The following BTNL8 variants were observed in gnomAD, a reference collection of about 807,000 sequenced individuals.
BTNL8 encodes the protein butyrophilin like 8, also known as butyrophilin-like protein 8.
A neutral mutation model predicts 36.1 loss-of-function variants in BTNL8; 22 were observed. The observed-to-expected ratio is 0.61, with a 90% confidence interval of 0.44 to 0.87. The LOEUF is 0.87. BTNL8 is among the 40% of genes least tolerant of loss of function. The probability of loss-of-function intolerance (pLI) is 0.00; values close to 1 mark genes in which losing one functional copy is unlikely to be tolerated. For missense variants in BTNL8, 526 were observed against 616.9 expected, an observed-to-expected ratio of 0.85 and a Z score of 1.56; for synonymous variants, 203 against 235.6, an observed-to-expected ratio of 0.86 and a Z score of 1.27.
chr5:180,917,251 T>C (rs7711470), intron 3 of BTNL8, among the ~76,000 whole-genome samples: 418 of 63,886 alleles, frequency 6.5e-3, no homozygotes, highest in African/African-American at 0.03. Flanking sequence ...TGAAAAATCA[T>C]AGGCCAACAA....
intron 3 of BTNL8, among the ~76,000 whole-genome samples, chr5:180,933,936 C>A (rs1472381166): frequency 1.3e-5 from 2 of 151,552 alleles, no homozygotes; most frequent in African/African-American, 4.9e-5. Flanking sequence ...ACTTATTTTA[C>A]AAGGTCAACA....
rs1034893334 is a variant in BTNL8, at chr5:180,900,910, C to T, written c.49+1551C>T. Among the ~76,000 whole-genome samples, 9 of 152,328 alleles carry T rather than the reference C, an allele frequency of 5.9e-5. 1 individual carries two copies. The highest frequency in any genetic ancestry group is 3.4e-3 in the Middle Eastern group (1 of 294). On this transcript the variant is annotated intron_variant, in intron 1 of 7. Transcript: ENST00000340184. ...ATGTGCCGCCCAGGACTGCTAAAAT[C>T]GCAAACCTTCTGAGCTGCCTTGTGC...
intron 1 of BTNL8, among the ~76,000 whole-genome samples, chr5:180,908,126 A>T (rs1757187260): frequency 6.6e-6 from 1 of 152,114 alleles, no homozygotes; most frequent in South Asian, 2.1e-4. Context: ...GCTGCCTTGC[A>T]GTTTGATCTC....
In BTNL8 at chr5:180,950,650, G is replaced by A; in HGVS notation, c.*106G>A. ...GTGGCTTCCAGATGAAGGGGGACTG[G>A]CCTGTCCACATGGGAGTCAGGTGTC... On this transcript the variant is annotated 3_prime_UTR_variant, in exon 8 of 8. Coordinates refer to ENST00000340184, the MANE Select transcript of BTNL8 (RefSeq NM_001040462.3). 1 of 1,177,384 alleles carries A rather than the reference G, an allele frequency of 8.5e-7. No individual in the cohort carries two copies. 72.9% of individuals were successfully genotyped at this position (1,177,384 alleles called of 1,614,324 possible). A position where few individuals can be genotyped will look rare whatever the true frequency, so the allele number is the denominator to read the frequency against.
At chr5:180,940,142 C>A (rs1425642696) in intron 3 of BTNL8, among the ~76,000 whole-genome samples, 13 of 152,008 alleles carry the variant, frequency 8.6e-5, no homozygotes, top group African/African-American at 3.1e-4. Context: ...GTCAAGGGGT[C>A]AAGACCAGCC....
In BTNL8 at chr5:180,937,684, C is replaced by A. The variant is rs150521232; in HGVS notation, c.674-9828C>A. Among the ~76,000 whole-genome samples, 475 of 151,960 alleles carry A rather than the reference C, an allele frequency of 3.1e-3. 5 individuals carry two copies. The highest frequency in any genetic ancestry group is 9.7e-3 in the African/African-American group (404 of 41,436). On this transcript the variant is annotated intron_variant, in intron 3 of 7. Coordinates refer to ENST00000340184, the MANE Select transcript of BTNL8 (RefSeq NM_001040462.3). ...AAATTGGAAGAGGTTATTGTTCCAC[C>A]AAATTTGCAGATATCAATGTAGGAA...
chr5:180,939,788 A>G (rs1157488237), intron 3 of BTNL8, among the ~76,000 whole-genome samples: 1 of 152,234 alleles, frequency 6.6e-6, no homozygotes, highest in Non-Finnish European at 1.5e-5. Context: ...TGCAGAATAC[A>G]CATTCTTCTC....
chr5:180,922,637 G>A (rs1299022360), intron 3 of BTNL8, among the ~76,000 whole-genome samples: 1 of 85,780 alleles, frequency 1.2e-5, no homozygotes, highest in Non-Finnish European at 2.4e-5. Flanking sequence ...TAAAGTATGT[G>A]CTATGTAGTG....
Position 180,911,444 on chromosome 5 carries a change from A to T in BTNL8, c.503A>T (p.Lys168Ile), listed in dbSNP as rs199737855. ...TTCCCCCGGCCCACAGCGAAGTGGAAAGGTCCACAAGGACAGGATTTGTCC... is the reference window on the plus strand; with the variant it reads ...TTCCCCCGGCCCACAGCGAAGTGGATAGGTCCACAAGGACAGGATTTGTCC... ...GWFPRPTAKWKGPQGQDLSTD... is the reference protein window; with the variant it reads ...GWFPRPTAKWIGPQGQDLSTD... The change falls in exon 3 of 8, where the codon AAA becomes ATA. Residue 168 changes from lysine to isoleucine, a missense_variant. Physicochemically the swap from Lys to Ile is moderately radical, Grantham distance 102 (BLOSUM62 -3). This residue lies in a region of BTNL8 where 350 missense variants were observed against 324.6 expected (regional missense o/e 1.08). Transcript: ENST00000340184. 1 of 1,614,090 alleles carries T rather than the reference A, an allele frequency of 6.2e-7. No individual in the cohort carries two copies. Among genetic ancestry groups the T allele is most frequent in the African/African-American group, 1.3e-5 (1 of 74,936 alleles).
At chr5:180,949,294 G>A (rs1416771437) in intron 7 of BTNL8, 29 bp downstream of exon 7, 1 of 1,461,558 alleles carries the variant, frequency 6.8e-7, no homozygotes, top group Non-Finnish European at 9.4e-7. Context: ...GTGACAGTGG[G>A]ACAGAATCTC....
intron 1 of BTNL8, chr5:180,902,405 A>C: frequency 6.5e-7 from 1 of 1,550,262 alleles, no homozygotes; most frequent in Non-Finnish European, 8.7e-7. Flanking sequence ...ATGTAAGGAG[A>C]TACACAAATG....
In BTNL8 at chr5:180,908,846, A is replaced by G. The variant is rs563026665; in HGVS notation, c.310A>G (p.Ile104Val). ...GCGCATCTCTCTGAGGCTGGAAAAC[A>G]TTACTGTGTTGGATGCTGGCCTCTA... Reference protein sequence around the residue: ...EGRISLRLENITVLDAGLYGC... With the variant: ...EGRISLRLENVTVLDAGLYGC... The change falls in exon 2 of 8, where the codon ATT becomes GTT. Residue 104 changes from isoleucine (I) to valine (V), a missense_variant. Around this residue, in one of 2 missense-constraint regions of BTNL8, gnomAD observed 350 missense variants for 324.6 expected, o/e 1.08. Coordinates refer to ENST00000340184, the MANE Select transcript of BTNL8 (RefSeq NM_001040462.3). The G allele has an allele frequency of 7.4e-6, 12 of 1,614,094 alleles. No homozygotes were observed. The highest frequency in any genetic ancestry group is 1.1e-5 in the South Asian group (1 of 91,078).
intron 3 of BTNL8, among the ~76,000 whole-genome samples, chr5:180,921,837 A>C (rs1012339458): frequency 1.3e-5 from 2 of 152,152 alleles, no homozygotes; most frequent in African/African-American, 4.8e-5. Flanking sequence ...AGTTGTATAA[A>C]TTAAATATGT....
intron 3 of BTNL8, among the ~76,000 whole-genome samples, chr5:180,942,485 A>T (rs549648589): frequency 6.6e-6 from 1 of 152,316 alleles, no homozygotes; most frequent in African/African-American, 2.4e-5. Flanking sequence ...AACAGCCAAA[A>T]CATTACTGAA....
rs748956638 is a variant in BTNL8 at position 180,949,948 on chromosome 5, G to T, written c.907G>T (p.Val303Phe). Residue 303 changes from valine (V) to phenylalanine (F), a missense_variant, in exon 8 of 8, where the codon GTT becomes TTT. Val to Phe is a conservative substitution (Grantham distance 50, BLOSUM62 -1). Around this residue, in one of 2 missense-constraint regions of BTNL8, gnomAD observed 176 missense variants for 292.3 expected, o/e 0.60. Transcript: ENST00000340184. ...AGAGACGGCTCACCCGAAGCTCTGC[G>T]TTTCTGATCTGAAAACTGTAACCCA... Reference protein sequence around the residue: ...DPETAHPKLCVSDLKTVTHRK... With the variant: ...DPETAHPKLCFSDLKTVTHRK... The T allele has an allele frequency of 8.9e-6, 13 of 1,461,040 alleles. No homozygotes were observed. The African/African-American group carries it at 1.4e-4, about 16-fold the overall frequency. The allele number at this position is 1,461,040 out of a possible 1,614,324, so 90.5% of individuals were successfully genotyped here. A position where few individuals can be genotyped will look rare whatever the true frequency, so the allele number is the denominator to read the frequency against.
intron 3 of BTNL8, among the ~76,000 whole-genome samples, chr5:180,921,590 C>T (rs1414579180): frequency 6.6e-6 from 1 of 151,734 alleles, no homozygotes; most frequent in Non-Finnish European, 1.5e-5. Context: ...AGCACAGTGC[C>T]TGTAGCTAAC....
intron 3 of BTNL8, among the ~76,000 whole-genome samples, chr5:180,934,462 C>T (rs931218027): frequency 2.0e-5 from 3 of 152,228 alleles, no homozygotes; most frequent in African/African-American, 7.2e-5. Context: ...AGTCCAGATC[C>T]CACACCTGCC....
At position 180,921,780 on chromosome 5, in the gene BTNL8, T is replaced by C. The variant is rs555566424; in HGVS notation, c.673+10166T>C. On this transcript the variant is annotated intron_variant, in intron 3 of 7. Transcript: ENST00000340184. ...ATGATGGATATGTCTATAGTCTTGA[T>C]GGTGGTGATGATTTGAATGGGTATA... Among the ~76,000 whole-genome samples, 63 of 152,072 alleles carry C rather than the reference T, an allele frequency of 4.1e-4. No individual in the cohort carries two copies. The Middle Eastern group carries it at 0.01, about 25-fold the overall frequency.
In BTNL8 at chr5:180,949,406, G is replaced by A. The variant is rs1166231105; in HGVS notation, c.862+141G>A. On this transcript the variant is annotated intron_variant, in intron 7 of 7. Transcript: ENST00000340184. ...AGATGGAGAAACTGGATGCTTGATC[G>A]CCCCCAAGGGTTCAGTGCCCCCAGA... The A allele has an allele frequency of 8.8e-6, 11 of 1,246,668 alleles. 2 individuals are homozygous for A. Among genetic ancestry groups the A allele is most frequent in the Non-Finnish European group, 1.2e-5 (11 of 891,196 alleles). The allele number at this position is 1,246,668 out of a possible 1,614,324, so 77.2% of individuals were successfully genotyped here.
Sources: gnomAD v4.1 joint callset for allele counts (sites outside exome capture counted in the v4.1 genomes callset) on GRCh38, gnomAD v4.1.1 for gene constraint, gnomAD v4.1.1 regional missense constraint, MANE v1.5 for transcripts, NCBI Gene and HGNC (gene_info 2026-07-23, HGNC 2026-07-21) for gene names.